LHFPL3: variants seen among roughly 807,000 people sequenced by gnomAD.
The protein encoded by LHFPL3 is LHFPL tetraspan subfamily member 3 protein.
LHFPL3 carries 5 observed loss-of-function variants against 19.3 expected under a neutral mutation model. The ratio of observed to expected loss-of-function variants is 0.26; its 90% CI spans 0.14 to 0.54. LHFPL3 has a LOEUF of 0.54. Among genes scored for constraint, LHFPL3 ranks in the 20% least tolerant of loss-of-function variants. The pLI is 0.94. For missense variants in LHFPL3, 249 were observed against 307.4 expected (o/e 0.81, Z 1.42); for synonymous variants, 133 against 126.2 (o/e 1.05, Z -0.36).
intron 2 of LHFPL3, among the ~76,000 whole-genome samples, chr7:104,821,147 C>A (rs2116523728): frequency 6.6e-6 from 1 of 152,240 alleles, no homozygotes; most frequent in East Asian, 1.9e-4. Flanking sequence ...ATGTAGTGTT[C>A]AATTTTTTAA....
At chr7:104,398,338 A>G (rs962427171) in intron 1 of LHFPL3, among the ~76,000 whole-genome samples, 4 of 152,182 alleles carry the variant, frequency 2.6e-5, no homozygotes, top group African/African-American at 9.6e-5. Flanking sequence ...TTCAAATATC[A>G]TAACCTGAAT....
At chr7:104,564,031 T>C (rs1017902266) in intron 1 of LHFPL3, among the ~76,000 whole-genome samples, 8 of 152,216 alleles carry the variant, frequency 5.3e-5, no homozygotes, top group Non-Finnish European at 1.5e-5. Context: ...GGCATTATGT[T>C]AAACACTACA....
intron 2 of LHFPL3, among the ~76,000 whole-genome samples, chr7:104,893,054 T>C (rs548060916): frequency 6.6e-6 from 1 of 150,444 alleles, no homozygotes; most frequent in South Asian, 2.1e-4. Flanking sequence ...GAAAAAAAAA[T>C]GTTTTTAATT....
intron 1 of LHFPL3, among the ~76,000 whole-genome samples, chr7:104,340,092 T>C (rs1325473054): frequency 6.6e-6 from 1 of 152,198 alleles, no homozygotes; most frequent in African/African-American, 2.4e-5. Context: ...TCTTGACCTG[T>C]CATCTTACTG....
At chr7:104,638,094 G>A (rs1161392131) in intron 1 of LHFPL3, among the ~76,000 whole-genome samples, 1 of 152,046 alleles carries the variant, frequency 6.6e-6, no homozygotes, top group Non-Finnish European at 1.5e-5. Context: ...TCTCACTTTA[G>A]AGATGTTTCA....
intron 1 of LHFPL3, among the ~76,000 whole-genome samples, chr7:104,508,161 T>A (rs1793736874): frequency 1.3e-5 from 2 of 152,204 alleles, no homozygotes; most frequent in South Asian, 4.2e-4. Context: ...CGTGCACACG[T>A]ATGTTTATTG....
intron 2 of LHFPL3, among the ~76,000 whole-genome samples, chr7:104,889,532 C>A (rs1447828469): frequency 6.6e-6 from 1 of 152,098 alleles, no homozygotes; most frequent in Non-Finnish European, 1.5e-5. Context: ...CCTGGCTACT[C>A]AAGAGGCTGA....
In LHFPL3 at chr7:104,778,298, C is replaced by T. The variant is rs369874647; in HGVS notation, c.682+41387C>T. On this transcript the variant is annotated intron_variant, in intron 2 of 2. Transcript: ENST00000424859. The stretch of plus-strand genomic sequence containing the variant: ...TGTGCGGGAGCTTGATCTCCCACAA[C>T]CTTGTGCAGAGGCGGTGACCCTACC... 1.6e-4 allele frequency among the ~76,000 whole-genome samples: 24 copies of T among 152,308 alleles called. No homozygotes were observed. The South Asian group carries it at 5.0e-3, about 32-fold the overall frequency.
intron 1 of LHFPL3, among the ~76,000 whole-genome samples, chr7:104,647,526 G>A (rs1484861833): frequency 6.6e-6 from 1 of 152,184 alleles, no homozygotes; most frequent in Admixed American, 6.5e-5. Flanking sequence ...CATACTTACA[G>A]GGTTATTCCA....
chr7:104,435,418 A>G (rs986620517), intron 1 of LHFPL3, among the ~76,000 whole-genome samples: 1 of 151,766 alleles, frequency 6.6e-6, no homozygotes, highest in African/African-American at 2.4e-5. Flanking sequence ...TACAAACATG[A>G]GTCATCACAC....
At chr7:104,769,092 T>C (rs1794506715) in intron 2 of LHFPL3, 1 of 152,224 alleles carries the variant, frequency 6.6e-6, no homozygotes, top group Non-Finnish European at 1.5e-5. Flanking sequence ...ATACTTACTT[T>C]TTCCATCTAA....
intron 2 of LHFPL3, among the ~76,000 whole-genome samples, chr7:104,867,152 T>C (rs1231341863): frequency 1.3e-5 from 2 of 151,890 alleles, no homozygotes; most frequent in African/African-American, 2.4e-5. Flanking sequence ...CACCCTAACA[T>C]CACAATTAAA....
intron 1 of LHFPL3, among the ~76,000 whole-genome samples, chr7:104,466,358 C>A (rs1015130760): frequency 2.6e-5 from 4 of 152,178 alleles, no homozygotes; most frequent in Non-Finnish European, 4.4e-5. Flanking sequence ...AGAAGCTCAT[C>A]ATGTATTTTT....
chr7:104,745,295 C>T (rs1259632014), intron 2 of LHFPL3, among the ~76,000 whole-genome samples: 2 of 152,198 alleles, frequency 1.3e-5, no homozygotes, highest in Non-Finnish European at 2.9e-5. Context: ...ATAGCAGGAA[C>T]TGCAGCCACC....
At chr7:104,478,029 G>T (rs1326086921) in intron 1 of LHFPL3, among the ~76,000 whole-genome samples, 1 of 152,200 alleles carries the variant, frequency 6.6e-6, no homozygotes, top group Non-Finnish European at 1.5e-5. Context: ...ATGGAGAAAT[G>T]ATTGGAACAA....
At chr7:104,576,515 G>A (rs2116006230) in intron 1 of LHFPL3, among the ~76,000 whole-genome samples, 1 of 152,250 alleles carries the variant, frequency 6.6e-6, no homozygotes, top group South Asian at 2.1e-4. Context: ...ATTGCTATTA[G>A]TTCTTAACCT....
chr7:104,686,094 A>G (rs886736008), intron 1 of LHFPL3, among the ~76,000 whole-genome samples: 4 of 152,252 alleles, frequency 2.6e-5, no homozygotes, highest in African/African-American at 9.6e-5. Context: ...GCAAAGCACT[A>G]TCAGGGAGTG....
At chr7:104,664,358 A>G (rs574373616) in intron 1 of LHFPL3, among the ~76,000 whole-genome samples, 2 of 152,374 alleles carry the variant, frequency 1.3e-5, no homozygotes, top group East Asian at 3.9e-4. Flanking sequence ...ACATGCTAAA[A>G]TAATACAAAT....
chr7:104,456,738 A>C (rs1173275555), intron 1 of LHFPL3, among the ~76,000 whole-genome samples: 1 of 152,204 alleles, frequency 6.6e-6, no homozygotes, highest in Non-Finnish European at 1.5e-5. Flanking sequence ...GAACGCAAGC[A>C]CTATGATACT....
Sources: gnomAD v4.1 joint callset for allele counts (sites outside exome capture counted in the v4.1 genomes callset) on GRCh38, gnomAD v4.1.1 for gene constraint, MANE v1.5 for transcripts, NCBI Gene and HGNC (gene_info 2026-07-23, HGNC 2026-07-21) for gene names.